Variants in GALNT7 observed in about 807,000 individuals in gnomAD.
GALNT7 encodes polypeptide N-acetylgalactosaminyltransferase 7.
In GALNT7, 60 loss-of-function variants were observed where a neutral mutation model predicts 82.1. That is an observed-to-expected ratio of 0.73 (90% CI 0.59 to 0.91). The LOEUF (loss-of-function observed/expected upper bound fraction) is 0.91, where lower values mean the gene tolerates loss of function less well. GALNT7 is among the 40% of genes least tolerant of loss of function. The pLI is 0.00. For synonymous variants in GALNT7, 243 were observed against 275.1 expected, an observed-to-expected ratio of 0.88 and a Z score of 1.15; for missense variants, 660 against 804.2, an observed-to-expected ratio of 0.82 and a Z score of 2.17.
chr4:173,303,224 T>C (rs1046663843), intron 7 of GALNT7, among the ~76,000 whole-genome samples: 1 of 150,012 alleles, frequency 6.7e-6, no homozygotes, highest in Non-Finnish European at 1.5e-5. Context: ...GCGAGCGTTA[T>C]GCTAGATGCA....
rs1736562153 is a variant in GALNT7, at chr4:173,292,108, A to T, written c.588A>T (p.Glu196Asp). The part of the protein sequence containing the change: ...DRSVNDLRQE[E>D]CKYWHYDENL... ...ATATGATGAAATTTTCTCTTTACAG[A>T]TGCAAGTATTGGCATTATGATGAAA... Residue 196 changes from glutamate to aspartate, a missense_variant and splice_region_variant, in exon 3 of 12, where the codon GAA becomes GAT. Glu to Asp is a conservative substitution (Grantham distance 45). Transcript: ENST00000265000. The surrounding 1 kb of genome is among the most constrained non-coding windows in gnomAD (Gnocchi z 4.8). 6.2e-7 allele frequency: 1 copy of T among 1,600,068 alleles called. No individual in the cohort carries two copies. The highest frequency in any genetic ancestry group is 1.3e-5 in the African/African-American group (1 of 74,680).
Position 173,323,352 on chromosome 4 carries a change from T to C in GALNT7, c.*1635T>C, listed in dbSNP as rs1311571775. 1 of 152,608 alleles carries C rather than the reference T, an allele frequency of 6.6e-6. No individual in the cohort carries two copies. The highest frequency in any genetic ancestry group is 1.5e-5 in the Non-Finnish European group (1 of 68,004). The allele number at this position is 152,608 out of a possible 1,614,324, so 9.5% of individuals were successfully genotyped here. A position where few individuals can be genotyped will look rare whatever the true frequency, so the allele number is the denominator to read the frequency against. On this transcript the variant is annotated 3_prime_UTR_variant, in exon 12 of 12. Transcript: ENST00000265000. ...GTTAAACATCCTCAACAGAGTTTTA[T>C]TTATAATTTTGAATTGTCAATTTGT...
intron 2 of GALNT7, among the ~76,000 whole-genome samples, chr4:173,260,552 G>T (rs1052800737): frequency 4.6e-5 from 7 of 152,174 alleles, no homozygotes; most frequent in African/African-American, 1.7e-4. Context: ...GAAATGTAGT[G>T]ACTGAGGCAA....
chr4:173,260,133 A>T (rs1157527478), intron 2 of GALNT7, among the ~76,000 whole-genome samples: 1 of 152,232 alleles, frequency 6.6e-6, no homozygotes, highest in Non-Finnish European at 1.5e-5. Flanking sequence ...AATGAATTAT[A>T]CAAAGGTAAA....
At chr4:173,249,764 C>T (rs757690223) in intron 2 of GALNT7, among the ~76,000 whole-genome samples, 7 of 152,016 alleles carry the variant, frequency 4.6e-5, no homozygotes, top group Non-Finnish European at 1.0e-4. Context: ...AATTTTAACT[C>T]GGTGTTCTGT....
chr4:173,202,689 C>T (rs988655338), intron 1 of GALNT7, among the ~76,000 whole-genome samples: 1 of 152,216 alleles, frequency 6.6e-6, no homozygotes, highest in African/African-American at 2.4e-5. Context: ...GGCTGCCTGG[C>T]GTTTTCTAAT....
intron 1 of GALNT7, among the ~76,000 whole-genome samples, chr4:173,210,580 A>G (rs987453798): frequency 2.6e-5 from 4 of 151,898 alleles, no homozygotes; most frequent in African/African-American, 7.3e-5. Context: ...CGGCCTCCCA[A>G]GCAGCTGGGA....
At chr4:173,233,798 G>T (rs1003427674) in intron 1 of GALNT7, among the ~76,000 whole-genome samples, 1 of 152,018 alleles carries the variant, frequency 6.6e-6, no homozygotes, top group Non-Finnish European at 1.5e-5. Flanking sequence ...TCTCACCCTT[G>T]CCTTTGCTTT....
intron 1 of GALNT7, among the ~76,000 whole-genome samples, chr4:173,210,647 G>A (rs34285915): frequency 0.12 from 17,835 of 151,884 alleles, 1,328 homozygotes; most frequent in Non-Finnish European, 0.17. Flanking sequence ...TGCCCAAGCT[G>A]GTCTGGAACT....
At chr4:173,197,788 G>T (rs1273168827) in intron 1 of GALNT7, among the ~76,000 whole-genome samples, 1 of 149,104 alleles carries the variant, frequency 6.7e-6, no homozygotes, top group Non-Finnish European at 1.5e-5. Flanking sequence ...ATAATGGGAG[G>T]AGGATGGGCT....
chr4:173,178,052 T>TGTGTGTGTGTGCGCGCGCGCGCGC (rs563102408), intron 1 of GALNT7, among the ~76,000 whole-genome samples: 1 of 129,510 alleles, frequency 7.7e-6, no homozygotes, highest in African/African-American at 3.1e-5. Flanking sequence ...TGTGTGTGTG[T>TGTGTGTGTGTGCGCGCGCGCGCGC]GCGCGCACGC....
At chr4:173,306,322 A>G (rs1375004065) in intron 8 of GALNT7, among the ~76,000 whole-genome samples, 4 of 152,174 alleles carry the variant, frequency 2.6e-5, no homozygotes, top group Non-Finnish European at 5.9e-5. Flanking sequence ...TGTCATCTGC[A>G]GAGACAGTTT....
chr4:173,249,667 A>G (rs1457928197), intron 2 of GALNT7, among the ~76,000 whole-genome samples: 2 of 152,240 alleles, frequency 1.3e-5, no homozygotes, highest in Non-Finnish European at 2.9e-5. Context: ...TGAATTTCAG[A>G]TAAATGGTTA....
At chr4:173,270,117 G>A (rs967435292) in intron 2 of GALNT7, among the ~76,000 whole-genome samples, 9 of 152,272 alleles carry the variant, frequency 5.9e-5, no homozygotes, top group Non-Finnish European at 8.8e-5. Context: ...GAAGTATAGC[G>A]CAATTATTAT....
intron 1 of GALNT7, among the ~76,000 whole-genome samples, chr4:173,234,945 G>C (rs1343318939): frequency 1.3e-5 from 2 of 152,188 alleles, no homozygotes; most frequent in African/African-American, 4.8e-5. Context: ...ATCAGAAGGA[G>C]ATGCTGGTAC....
chr4:173,286,415 A>T (rs1261659844), intron 2 of GALNT7, among the ~76,000 whole-genome samples: 1 of 152,224 alleles, frequency 6.6e-6, no homozygotes, highest in Non-Finnish European at 1.5e-5. Flanking sequence ...GGTTGTAAAC[A>T]GTTGTTTCCC....
Position 173,246,819 on chromosome 4 carries a change from G to A in GALNT7, c.127-1161G>A, listed in dbSNP as rs1023476097. Among the ~76,000 whole-genome samples the A allele has an allele frequency of 2.2e-4, 33 of 152,104 alleles. 1 individual carries two copies. The highest frequency in any genetic ancestry group is 2.1e-3 in the Admixed American group (32 of 15,274). On this transcript the variant is annotated intron_variant, in intron 1 of 11. Coordinates refer to ENST00000265000, the MANE Select transcript of GALNT7 (RefSeq NM_017423.3). ...CCTGTAGAAAGATTTTGGTCGGGTG[G>A]TGCTAATTCTATGACTACTCTGTTG...
At chr4:173,185,189 T>G (rs932471671) in intron 1 of GALNT7, among the ~76,000 whole-genome samples, 1 of 152,228 alleles carries the variant, frequency 6.6e-6, no homozygotes, top group Non-Finnish European at 1.5e-5. Flanking sequence ...AAATTTGATC[T>G]GTTTCAGTTT....
intron 2 of GALNT7, among the ~76,000 whole-genome samples, chr4:173,267,905 A>T (rs1485522966): frequency 2.0e-5 from 3 of 152,206 alleles, no homozygotes; most frequent in South Asian, 4.1e-4. Context: ...TGGCATAGAG[A>T]AGCTTCAGAA....
Sources: allele counts gnomAD v4.1 joint callset (sites outside exome capture counted in the v4.1 genomes callset), GRCh38; gene constraint gnomAD v4.1.1; non-coding constraint Gnocchi (gnomAD v3.1); transcripts MANE v1.5; gene names NCBI Gene and HGNC (gene_info 2026-07-23, HGNC 2026-07-21).